The following CA11 variants were observed in gnomAD, a reference collection of about 807,000 sequenced individuals.
CA11 encodes the protein carbonic anhydrase 11 (inactive), also known as carbonic anhydrase-related protein 11.
Under a neutral mutation model 39.3 loss-of-function variants are expected in CA11, and 20 were observed. The observed-to-expected ratio is 0.51, with a 90% CI of 0.36 to 0.74. The LOEUF (loss-of-function observed/expected upper bound fraction) is 0.74, where lower values mean the gene tolerates loss of function less well. Ranked by LOEUF, CA11 falls within the 30% of genes least tolerant of loss-of-function variation. CA11 has a pLI of 0.00. For synonymous variants in CA11, 166 were observed against 172.5 expected (o/e 0.96, Z 0.29); for missense variants, 336 against 424.6 (o/e 0.79, Z 1.83).
intron 7 of CA11, 102 bp from the exon 8 acceptor site, chr19:48,639,155 T>C (rs1332029089): frequency 1.3e-6 from 2 of 1,532,554 alleles, no homozygotes; most frequent in Non-Finnish European, 1.8e-6. Context: ...CGGGGTCTGT[T>C]CTCAGCCCCA....
chr19:48,644,333 C>T, intron 3 of CA11, 94 bp downstream of exon 3: 2 of 1,240,690 alleles, frequency 1.6e-6, no homozygotes. Context: ...CCTCCTCCCC[C>T]AAGGCTGCTC....
Position 48,637,986 on chromosome 19 carries a change from C to T in CA11, c.*133G>A. 3.7e-6 allele frequency: 2 copies of T among 546,736 alleles called. No individual in the cohort carries two copies. The highest frequency in any genetic ancestry group is 7.8e-5 in the South Asian group (2 of 25,764). 33.9% of individuals were successfully genotyped at this position (546,736 alleles called of 1,614,324 possible). On this transcript the variant is annotated 3_prime_UTR_variant, in exon 9 of 9. Transcript: ENST00000084798. The stretch of plus-strand genomic sequence containing the variant: ...TGTTCTTTAATACCCAAATGTTTCC[C>T]CACCGCGCCTAGAATCAGACCACTG...
intron 2 of CA11, among the ~76,000 whole-genome samples, chr19:48,644,964 C>G (rs1469475077): frequency 3.9e-5 from 6 of 152,122 alleles, no homozygotes; most frequent in African/African-American, 1.4e-4. Context: ...TACCAGCCTA[C>G]CCCTCTGCTG....
Position 48,646,066 on chromosome 19 carries a change from C to A in CA11, c.-434G>T. ...CCTCTCTCCTTTCCAGCTCCTGCCT[C>A]TTCTCCCCTCTCTCCTTCTTCACCT... On this transcript the variant is annotated 5_prime_UTR_variant, in exon 1 of 9. Transcript: ENST00000084798. 2.8e-6 allele frequency: 1 copy of A among 356,650 alleles called. No homozygotes were observed. Among genetic ancestry groups the A allele is most frequent in the South Asian group, 1.2e-4 (1 of 8,574 alleles). 22.1% of individuals were successfully genotyped at this position (356,650 alleles called of 1,614,324 possible). A position where few individuals can be genotyped will look rare whatever the true frequency, so the allele number is the denominator to read the frequency against.
At position 48,645,667 on chromosome 19, in the gene CA11, C is replaced by A. The variant is rs201209124; in HGVS notation, c.-35G>T. The A allele has an allele frequency of 2.8e-5, 41 of 1,469,896 alleles. No homozygotes were observed. Among genetic ancestry groups the A allele is most frequent in the Non-Finnish European group, 3.1e-5 (34 of 1,103,364 alleles). 91.1% of individuals were successfully genotyped at this position (1,469,896 alleles called of 1,614,324 possible). On this transcript the variant is annotated 5_prime_UTR_variant, in exon 1 of 9. Coordinates refer to ENST00000084798, the MANE Select transcript of CA11 (RefSeq NM_001217.5). Reference sequence around the variant, plus strand: ...GCCTCCGAGGGACCCCTGCCCAACGCCCTGCCCCCCTCTCTCAGCTCCTCT... The same window carrying A: ...GCCTCCGAGGGACCCCTGCCCAACGACCTGCCCCCCTCTCTCAGCTCCTCT...
intron 3 of CA11, among the ~76,000 whole-genome samples, chr19:48,640,616 C>T (rs1241212412): frequency 6.6e-6 from 1 of 151,794 alleles, no homozygotes; most frequent in Non-Finnish European, 1.5e-5. Context: ...TCTGGTGATC[C>T]ACCCGCCTCA....
At chr19:48,644,345 C>A in intron 3 of CA11, 82 bp downstream of exon 3, 2 of 1,356,430 alleles carry the variant, frequency 1.5e-6, no homozygotes, top group South Asian at 1.6e-5. Flanking sequence ...AGGCTGCTCT[C>A]CTACCTCAGC....
chr19:48,645,874 C>T lies in CA11; in HGVS notation c.-242G>A, dbSNP rs1297633460. 5.8e-6 allele frequency: 3 copies of T among 518,908 alleles called. No homozygotes were observed. The highest frequency in any genetic ancestry group is 2.9e-5 in the South Asian group (1 of 34,158). The allele number at this position is 518,908 out of a possible 1,614,324, so 32.1% of individuals were successfully genotyped here. ...CTTTCCTCTGCTCTTTTCCCGGAAC[C>T]CTCCAGTCTCCCTCTAGCTCCTGAT... On this transcript the variant is annotated 5_prime_UTR_variant, in exon 1 of 9. Coordinates refer to ENST00000084798, the MANE Select transcript of CA11 (RefSeq NM_001217.5).
chr19:48,639,568 G>A lies in CA11; in HGVS notation c.621C>T (p.Ile207=). 5 of 1,614,044 alleles carry A rather than the reference G, an allele frequency of 3.1e-6. No individual in the cohort carries two copies. The highest frequency in any genetic ancestry group is 4.2e-6 in the Non-Finnish European group (5 of 1,179,970). Reference sequence around the variant, plus strand: ...ACTTACTCTTGTAGGAGATGCGAGTGATGGTGTCGCGGTTAAGGAGGCGAC... The same window carrying A: ...ACTTACTCTTGTAGGAGATGCGAGTAATGGTGTCGCGGTTAAGGAGGCGAC... ...FLSRLLNRDT[I]TRISYKNDAY... Residue 207 remains isoleucine (I), a synonymous_variant, in exon 6 of 9, where the codon ATC becomes ATT. Transcript: ENST00000084798.
At chr19:48,645,305 G>C in intron 2 of CA11, 98 bp downstream of exon 2, 1 of 1,080,912 alleles carries the variant, frequency 9.3e-7, no homozygotes, top group South Asian at 1.4e-5. Context: ...GGGACTCCTG[G>C]TCCTGGGGGG....
chr19:48,638,932 C>CG lies in CA11; in HGVS notation c.916dup (p.Arg306ProfsTer36). ...GCCTCGGCAGCGCCTCTCGGGGTGC[C>CG]GGGGGTCCCTGTTGCCCCTCAGTGC... On this transcript the variant is annotated frameshift_variant, in exon 8 of 9. Transcript: ENST00000084798. LOFTEE classifies it high-confidence loss of function. 1.2e-6 allele frequency: 2 copies of CG among 1,608,588 alleles called. No homozygotes were observed. Among genetic ancestry groups the CG allele is most frequent in the Non-Finnish European group, 1.7e-6 (2 of 1,178,132 alleles).
chr19:48,639,643 G>A (rs928166771), intron 5 of CA11, 22 bp from the exon 6 acceptor site: 2 of 1,612,790 alleles, frequency 1.2e-6, no homozygotes, highest in Admixed American at 1.7e-5. Context: ...TACGAGGTGA[G>A]GACACAGGAG....
In CA11 at chr19:48,638,923, T is replaced by C. The variant is rs1449602866; in HGVS notation, c.926A>G (p.Glu309Gly). Residue 309 changes from glutamate to glycine, a missense_variant, in exon 8 of 9, where the codon GAG (glutamate) becomes GGG (glycine). Transcript: ENST00000084798. ...GTAGTTGGGGCCTCGGCAGCGCCTC[T>C]CGGGGTGCCGGGGGTCCCTGTTGCC... ...LRGNRDPRHPERRCRGPNYRL... is the reference protein window; with the variant it reads ...LRGNRDPRHPGRRCRGPNYRL... 9 of 1,606,466 alleles carry C rather than the reference T, an allele frequency of 5.6e-6. No individual in the cohort carries two copies. Among genetic ancestry groups the C allele is most frequent in the African/African-American group, 1.3e-5 (1 of 74,634 alleles).
Position 48,645,571 on chromosome 19 carries a change from G to A in CA11, c.62C>T (p.Ala21Val), listed in dbSNP as rs201600134. Residue 21 changes from alanine to valine, a missense_variant, in exon 1 of 9, where the codon GCA (alanine) becomes GTA (valine). Transcript: ENST00000084798. ...RALVLWAALG[A>V]AAHIGPAPDP... ...CCGGGAACCCCAGGTCTTACCTGCT[G>A]CCCCCAGTGCAGCCCAGAGTACCAG... 2 of 1,604,240 alleles carry A rather than the reference G, an allele frequency of 1.2e-6. No homozygotes were observed. The highest frequency in any genetic ancestry group is 8.5e-7 in the Non-Finnish European group (1 of 1,175,566).
intron 8 of CA11, 149 bp downstream of exon 8, chr19:48,638,739 T>C: frequency 1.2e-6 from 1 of 863,210 alleles, no homozygotes; most frequent in Non-Finnish European, 1.7e-6. Context: ...CATAGACATG[T>C]AGGGAAAGAG....
chr19:48,645,819 TTC>T lies in CA11; in HGVS notation c.-189_-188del, dbSNP rs996534260. 16 of 545,198 alleles carry T rather than the reference TTC, an allele frequency of 2.9e-5. No individual in the cohort carries two copies. Among genetic ancestry groups the T allele is most frequent in the Non-Finnish European group, 4.2e-5 (13 of 311,460 alleles). 33.8% of individuals were successfully genotyped at this position (545,198 alleles called of 1,614,324 possible). On this transcript the variant is annotated 5_prime_UTR_variant, in exon 1 of 9. Transcript: ENST00000084798. ...GATCCGCCCTTCAAACCCACTCTTC[TTC>T]TCTCTCCCGTCTCTCTGTGTCTTTC...
At chr19:48,640,687 TG>T (rs2031049959) in intron 3 of CA11, among the ~76,000 whole-genome samples, 1 of 143,828 alleles carries the variant, frequency 7.0e-6, no homozygotes, top group Non-Finnish European at 1.5e-5. Flanking sequence ...TTTTTTTTTC[TG>T]GGGGGAGACG....
In CA11 at chr19:48,640,263, G is replaced by C. The variant is rs778163553; in HGVS notation, c.303C>G (p.Tyr101Ter). The change falls in exon 4 of 9, where the codon TAC becomes TAG. Residue 101 changes from tyrosine to a stop codon, truncating the protein, a stop_gained. Transcript: ENST00000084798. LOFTEE classifies it high-confidence loss of function. The part of the protein sequence containing the change: ...TGGEKLRGTL[Y>*]NTGRHVSFLP... The stretch of plus-strand genomic sequence containing the variant: ...GGAAGGAGACATGTCGGCCGGTGTT[G>C]TACAAGGTTCCCCGGAGCTGTGGGA... 6.2e-7 allele frequency: 1 copy of C among 1,611,278 alleles called. No homozygotes were observed. Among genetic ancestry groups the C allele is most frequent in the Admixed American group, 1.7e-5 (1 of 59,870 alleles).
chr19:48,646,044 C>T lies in CA11; in HGVS notation c.-412G>A, dbSNP rs947091673. On this transcript the variant is annotated 5_prime_UTR_variant, in exon 1 of 9. Coordinates refer to ENST00000084798, the MANE Select transcript of CA11 (RefSeq NM_001217.5). Reference sequence around the variant, plus strand: ...CCCGCATCTCCTCCTCCTCCTCCCTCTCTCCTTTCCAGCTCCTGCCTCTTC... The same window carrying T: ...CCCGCATCTCCTCCTCCTCCTCCCTTTCTCCTTTCCAGCTCCTGCCTCTTC... The T allele has an allele frequency of 2.6e-6, 1 of 385,986 alleles. No individual in the cohort carries two copies. Among genetic ancestry groups the T allele is most frequent in the Non-Finnish European group, 4.6e-6 (1 of 217,308 alleles). The allele number at this position is 385,986 out of a possible 1,614,324, so 23.9% of individuals were successfully genotyped here. A position where few individuals can be genotyped will look rare whatever the true frequency, so the allele number is the denominator to read the frequency against.
Sources: gnomAD v4.1 joint callset for allele counts (sites outside exome capture counted in the v4.1 genomes callset) on GRCh38, gnomAD v4.1.1 for gene constraint, MANE v1.5 for transcripts, NCBI Gene and HGNC (gene_info 2026-07-23, HGNC 2026-07-21) for gene names.